SHMT2: variants seen among roughly 807,000 people sequenced by gnomAD.
SHMT2 encodes serine hydroxymethyltransferase 2.
A neutral mutation model predicts 59.6 loss-of-function variants in SHMT2; 38 were observed. The observed-to-expected ratio is 0.64, with a 90% confidence interval of 0.49 to 0.84. SHMT2 has a LOEUF of 0.84. Ranked by LOEUF, SHMT2 falls within the 40% of genes least tolerant of loss-of-function variation. The pLI is 0.00. For synonymous variants in SHMT2, 254 were observed against 258.1 expected (o/e 0.98, Z 0.15); for missense variants, 533 against 659.5 (o/e 0.81, Z 2.10).
chr12:57,230,177 A>C, intron 1 of SHMT2: 1 of 1,295,456 alleles, frequency 7.7e-7, no homozygotes, highest in Non-Finnish European at 1.0e-6. Context: ...AGATGATGCA[A>C]CCGAGCTTCA....
Position 57,230,624 on chromosome 12 carries a change from T to C in SHMT2, c.34-179T>C, listed in dbSNP as rs930427432. ...GCAAATCAGAACCACCCCTTGGACG[T>C]TGATCTCAAGCTTGGCTCCAGAACT... On this transcript the variant is annotated intron_variant, in intron 1 of 11. Coordinates refer to ENST00000328923, the MANE Select transcript of SHMT2 (RefSeq NM_005412.6). The C allele has an allele frequency of 9.0e-6, 13 of 1,443,068 alleles. No individual in the cohort carries two copies. The South Asian group carries it at 1.5e-4, about 16-fold the overall frequency. 89.4% of individuals were successfully genotyped at this position (1,443,068 alleles called of 1,614,324 possible).
At chr12:57,230,328 A>G (rs1281953460) in intron 1 of SHMT2, 2 of 1,139,326 alleles carry the variant, frequency 1.8e-6, no homozygotes, top group East Asian at 1.4e-4. Flanking sequence ...GCTCTTCCTC[A>G]CGGACTGCTA....
In SHMT2 at chr12:57,233,899, G is replaced by A. The variant is rs781006721; in HGVS notation, c.1274G>A (p.Arg425Gln). 16 of 1,614,090 alleles carry A rather than the reference G, an allele frequency of 9.9e-6. No homozygotes were observed. The highest frequency in any genetic ancestry group is 2.2e-5 in the South Asian group (2 of 91,084). The change falls in exon 10 of 12, where the codon CGG becomes CAG. Residue 425 changes from arginine to glutamine, a missense_variant. Coordinates refer to ENST00000328923, the MANE Select transcript of SHMT2 (RefSeq NM_005412.6). ...AGTGCCATCACACCGGGCGGCCTGC[G>A]GCTTGGTGAGACCTGGGGTTTGAGG... ...DRSAITPGGL[R>Q]LGAPALTSRQ...
chr12:57,232,668 TC>T, intron 6 of SHMT2, 35 bp from the exon 7 acceptor site: 1 of 1,606,990 alleles, frequency 6.2e-7, no homozygotes, highest in Admixed American at 1.7e-5. Flanking sequence ...CTCCGGGCCC[TC>T]CCCAGGCTGA....
At chr12:57,230,330 G>C (rs553466299) in intron 1 of SHMT2, 3 of 1,136,856 alleles carry the variant, frequency 2.6e-6, no homozygotes, top group Non-Finnish European at 2.2e-6. Flanking sequence ...TCTTCCTCAC[G>C]GACTGCTAAA....
chr12:57,233,975 T>C, intron 10 of SHMT2, 28 bp from the exon 11 acceptor site: 1 of 1,614,092 alleles, frequency 6.2e-7, no homozygotes, highest in Non-Finnish European at 8.5e-7. Context: ...TGGGCTATGC[T>C]CATCCCTCCC....
chr12:57,233,888 G>A lies in SHMT2; in HGVS notation c.1263G>A (p.Pro421=), dbSNP rs560215067. 2.9e-5 allele frequency: 47 copies of A among 1,614,174 alleles called. No individual in the cohort carries two copies. Among genetic ancestry groups the A allele is most frequent in the African/African-American group, 2.1e-4 (16 of 75,038 alleles). The stretch of plus-strand genomic sequence containing the variant: ...CTGGAGACCGAAGTGCCATCACACC[G>A]GGCGGCCTGCGGCTTGGTGAGACCT... The part of the protein sequence containing the change: ...TCPGDRSAIT[P]GGLRLGAPAL... Residue 421 remains proline (P), a synonymous_variant, in exon 10 of 12, where the codon CCG becomes CCA. Transcript: ENST00000328923.
rs1299285778 is a variant in SHMT2 at position 57,229,784 on chromosome 12, G to A, written c.6G>A (p.Leu2=). The A allele has an allele frequency of 3.7e-6, 6 of 1,614,184 alleles. No individual in the cohort carries two copies. The highest frequency in any genetic ancestry group is 1.7e-5 in the Admixed American group (1 of 60,018). ...CCTGCGACTTCCGAGTTGCGATGCTGTACTTCTCTTTGTTTTGGGCGGCTC... is the reference window on the plus strand; with the variant it reads ...CCTGCGACTTCCGAGTTGCGATGCTATACTTCTCTTTGTTTTGGGCGGCTC... M[L]YFSLFWAARP... The change falls in exon 1 of 12, where the codon CTG becomes CTA. Residue 2 remains leucine, a synonymous_variant. Coordinates refer to ENST00000328923, the MANE Select transcript of SHMT2 (RefSeq NM_005412.6).
chr12:57,230,736 G>T (rs1360863858), intron 1 of SHMT2, 67 bp from the exon 2 acceptor site: 15 of 1,573,598 alleles, frequency 9.5e-6, no homozygotes, highest in Non-Finnish European at 1.1e-5. Context: ...AGAAGCATGA[G>T]TGAGGGTGGC....
At chr12:57,230,580 G>A in intron 1 of SHMT2, 1 of 1,408,468 alleles carries the variant, frequency 7.1e-7, no homozygotes, top group Non-Finnish European at 9.2e-7. Flanking sequence ...GATTTCTGAG[G>A]TGCGGTGCGG....
chr12:57,231,578 G>T lies in SHMT2; in HGVS notation c.311+18G>T. The T allele has an allele frequency of 6.2e-7, 1 of 1,614,056 alleles. No homozygotes were observed. The highest frequency in any genetic ancestry group is 8.5e-7 in the Non-Finnish European group (1 of 1,179,910). On this transcript the variant is annotated intron_variant, in intron 3 of 11. Transcript: ENST00000328923. ...GGCAAGAGGTGAGGGCTGGAGGGCA[G>T]TGTCAGGGATGGTGCTCCCAGTGGG...
chr12:57,230,843 G>A lies in SHMT2; in HGVS notation c.74G>A (p.Arg25Gln), dbSNP rs375322221. The A allele has an allele frequency of 1.6e-5, 26 of 1,613,940 alleles. No individual in the cohort carries two copies. The highest frequency in any genetic ancestry group is 2.7e-5 in the African/African-American group (2 of 74,880). ...RCGQLVRMAI[R>Q]AQHSNAAQTQ... ...GGGCAGCTGGTCAGGATGGCCATTC[G>A]GGCTCAGCACAGCAACGCAGCCCAG... The change falls in exon 2 of 12, where the codon CGG (arginine) becomes CAG (glutamine). Residue 25 changes from arginine (R) to glutamine (Q), a missense_variant. Arg to Gln is a conservative substitution (Grantham distance 43). Coordinates refer to ENST00000328923, the MANE Select transcript of SHMT2 (RefSeq NM_005412.6).
rs753120125 is a variant in SHMT2 at position 57,232,288 on chromosome 12, T to G, written c.590T>G (p.Leu197Arg). 1.2e-6 allele frequency: 2 copies of G among 1,613,920 alleles called. No individual in the cohort carries two copies. The highest frequency in any genetic ancestry group is 1.7e-6 in the Non-Finnish European group (2 of 1,179,822). Reference sequence around the variant, plus strand: ...TTCTTCGAGTCTATGCCCTATAAGCTCAACGTGAGTGCTCTAGGGTGTGGG... The same window carrying G: ...TTCTTCGAGTCTATGCCCTATAAGCGCAACGTGAGTGCTCTAGGGTGTGGG... ...SIFFESMPYK[L>R]NPKTGLIDYN... The change falls in exon 5 of 12, where the codon CTC becomes CGC. Residue 197 changes from leucine (L) to arginine (R), a missense_variant. Physicochemically the swap from Leu to Arg is moderately radical, Grantham distance 102 (BLOSUM62 -2). Coordinates refer to ENST00000328923, the MANE Select transcript of SHMT2 (RefSeq NM_005412.6).
chr12:57,230,975 G>A lies in SHMT2; in HGVS notation c.206G>A (p.Arg69His), dbSNP rs376369904. 1.2e-5 allele frequency: 20 copies of A among 1,613,528 alleles called. No homozygotes were observed. Among genetic ancestry groups the A allele is most frequent in the East Asian group, 4.5e-5 (2 of 44,890 alleles). The change falls in exon 2 of 12, where the codon CGT becomes CAT. Residue 69 changes from arginine (R) to histidine (H), a missense_variant. Arg to His is a conservative substitution (Grantham distance 29). Coordinates refer to ENST00000328923, the MANE Select transcript of SHMT2 (RefSeq NM_005412.6). ...CAGAGGGAGAAGGACAGGCAGTGTC[G>A]TGGCCTGGAGCTCATTGCCTCAGAG... The part of the protein sequence containing the change: ...LLQREKDRQC[R>H]GLELIASENF...
Position 57,234,519 on chromosome 12 carries a change from T to A in SHMT2, c.*158T>A. On this transcript the variant is annotated 3_prime_UTR_variant, in exon 12 of 12. Coordinates refer to ENST00000328923, the MANE Select transcript of SHMT2 (RefSeq NM_005412.6). ...AGTCTCCCTTCCCAGAATTTGTAAC[T>A]GAGAAGATCTTTTCTTTTTCCTTTT... is the stretch of plus-strand genomic sequence containing the variant. 1 of 713,330 alleles carries A rather than the reference T, an allele frequency of 1.4e-6. No individual in the cohort carries two copies. Among genetic ancestry groups the A allele is most frequent in the Non-Finnish European group, 2.1e-6 (1 of 478,922 alleles). 44.2% of individuals were successfully genotyped at this position (713,330 alleles called of 1,614,324 possible). A position where few individuals can be genotyped will look rare whatever the true frequency, so the allele number is the denominator to read the frequency against.
Position 57,234,871 on chromosome 12 carries a change from C to T in SHMT2, c.*510C>T, listed in dbSNP as rs1170602535. The stretch of plus-strand genomic sequence containing the variant: ...TCCTCTTTCTGTCTCTGATCAGAGC[C>T]GACACCAGACGTGATTAGCAGGCGC... On this transcript the variant is annotated 3_prime_UTR_variant, in exon 12 of 12. Transcript: ENST00000328923. 1.3e-5 allele frequency: 2 copies of T among 156,682 alleles called. No homozygotes were observed. Among genetic ancestry groups the T allele is most frequent in the Non-Finnish European group, 2.8e-5 (2 of 70,840 alleles). 9.7% of individuals were successfully genotyped at this position (156,682 alleles called of 1,614,324 possible).
In SHMT2 at chr12:57,233,622, G is replaced by A; in HGVS notation, c.1083G>A (p.Met361Ile). Reference sequence around the variant, plus strand: ...AGGTTCTGAAGAATGCTCGGGCCATGGCAGATGCCCTGCTAGAGCGAGGCT... The same window carrying A: ...AGGTTCTGAAGAATGCTCGGGCCATAGCAGATGCCCTGCTAGAGCGAGGCT... The part of the protein sequence containing the change: ...SLQVLKNARA[M>I]ADALLERGYS... Residue 361 changes from methionine to isoleucine, a missense_variant, in exon 9 of 12, where the codon ATG (methionine) becomes ATA (isoleucine). Transcript: ENST00000328923. 1 of 1,614,172 alleles carries A rather than the reference G, an allele frequency of 6.2e-7. No homozygotes were observed.
intron 4 of SHMT2, 116 bp from the exon 5 acceptor site, chr12:57,232,095 T>G: frequency 8.8e-7 from 1 of 1,142,352 alleles, no homozygotes; most frequent in Non-Finnish European, 1.3e-6. Context: ...GACAGAGCAG[T>G]GAGGCGGTGT....
chr12:57,230,652 CT>C, intron 1 of SHMT2, 150 bp from the exon 2 acceptor site: 1 of 1,459,642 alleles, frequency 6.9e-7, no homozygotes, highest in East Asian at 2.5e-5. Context: ...CCAGAACTGG[CT>C]TTTGAAGGTG....
Sources: gnomAD v4.1 joint callset for allele counts on GRCh38, gnomAD v4.1.1 for gene constraint, MANE v1.5 for transcripts, NCBI Gene and HGNC (gene_info 2026-07-23, HGNC 2026-07-21) for gene names.